The following LDLRAD3 variants were observed in gnomAD, a reference collection of about 807,000 sequenced individuals.
The protein encoded by LDLRAD3 is low density lipoprotein receptor class A domain containing 3.
LDLRAD3 carries 20 observed loss-of-function variants against 29.4 expected under a neutral mutation model. The observed-to-expected ratio is 0.68, with a 90% confidence interval of 0.48 to 0.99. The LOEUF (loss-of-function observed/expected upper bound fraction) is 0.99. Among genes scored for constraint, LDLRAD3 ranks in the 50% least tolerant of loss-of-function variants. LDLRAD3 has a pLI of 0.00. For missense variants in LDLRAD3, 420 were observed against 454.3 expected (o/e 0.92, Z 0.69); for synonymous variants, 157 against 192.7 (o/e 0.81, Z 1.53).
In LDLRAD3 at chr11:36,089,053, T is replaced by C. The variant is rs116201642; in HGVS notation, c.319+7275T>C. ...GCTCACAGCTATATTTCCAGCGCCA[T>C]GTATATTATCAGGCTCAGCCTTAGC... is the stretch of plus-strand genomic sequence containing the variant. On this transcript the variant is annotated intron_variant, in intron 3 of 5. Transcript: ENST00000315571. 4.1e-3 allele frequency among the ~76,000 whole-genome samples: 632 copies of C among 152,322 alleles called. 1 individual carries two copies. The highest frequency in any genetic ancestry group is 0.014 in the African/African-American group (590 of 41,570).
At chr11:36,154,641 C>T (rs560859512) in intron 4 of LDLRAD3, among the ~76,000 whole-genome samples, 3 of 152,324 alleles carry the variant, frequency 2.0e-5, no homozygotes, top group African/African-American at 7.2e-5. Flanking sequence ...CCTGTAGCCT[C>T]CCATGCAAAC....
At chr11:36,039,772 ATGTTTCAGTCTCTTC>A (rs952650512) in intron 2 of LDLRAD3, among the ~76,000 whole-genome samples, 36 of 152,282 alleles carry the variant, frequency 2.4e-4, no homozygotes, top group East Asian at 2.3e-3. Flanking sequence ...CCATCCCTCT[ATGTTTCAGTCTCTTC>A]TGTTTCAGTC....
At chr11:35,967,145 G>T in intron 1 of LDLRAD3, 1 of 191,418 alleles carries the variant, frequency 5.2e-6, no homozygotes, top group South Asian at 1.1e-4. Flanking sequence ...TCCCTGCAGG[G>T]ACTGGGCCTG....
intron 4 of LDLRAD3, among the ~76,000 whole-genome samples, chr11:36,128,318 G>T (rs946143335): frequency 3.3e-5 from 5 of 151,890 alleles, no homozygotes; most frequent in African/African-American, 1.2e-4. Flanking sequence ...GGAGAATATT[G>T]GTCCATCTCA....
At position 36,138,271 on chromosome 11, in the gene LDLRAD3, C is replaced by G. The variant is rs543320068; in HGVS notation, c.454+39810C>G. Among the ~76,000 whole-genome samples the G allele has an allele frequency of 1.1e-4, 17 of 152,368 alleles. No homozygotes were observed. The South Asian group carries it at 3.5e-3, about 32-fold the overall frequency. ...AAGTAAATGGGATTGCTAATAGTAC[C>G]TACTTCCTTGGGTGGTTGGGAGGAT... On this transcript the variant is annotated intron_variant, in intron 4 of 5. Transcript: ENST00000315571.
chr11:36,167,456 A>G (rs953088476), intron 4 of LDLRAD3, among the ~76,000 whole-genome samples: 1 of 151,982 alleles, frequency 6.6e-6, no homozygotes, highest in Non-Finnish European at 1.5e-5. Flanking sequence ...CCTAAATCCA[A>G]TATGTCTCAT....
chr11:36,035,371 T>C (rs1166348377), intron 1 of LDLRAD3, among the ~76,000 whole-genome samples: 1 of 152,064 alleles, frequency 6.6e-6, no homozygotes, highest in Non-Finnish European at 1.5e-5. Context: ...TGGTGTTCTC[T>C]CTTTGCTTTC....
At chr11:36,173,966 C>T (rs979416171) in intron 4 of LDLRAD3, among the ~76,000 whole-genome samples, 1 of 152,306 alleles carries the variant, frequency 6.6e-6, no homozygotes, top group Admixed American at 6.5e-5. Flanking sequence ...TCAAACTACA[C>T]TACAAGGCTA....
At chr11:36,103,999 G>T (rs1238477308) in intron 4 of LDLRAD3, among the ~76,000 whole-genome samples, 2 of 152,166 alleles carry the variant, frequency 1.3e-5, no homozygotes, top group Non-Finnish European at 2.9e-5. Context: ...GGTAAGACAT[G>T]AGTGTATGGA....
At chr11:36,193,074 A>G (rs1854979791) in intron 4 of LDLRAD3, among the ~76,000 whole-genome samples, 2 of 152,158 alleles carry the variant, frequency 1.3e-5, no homozygotes, top group African/African-American at 2.4e-5. Context: ...TACATTAGCT[A>G]TTAACTCAGT....
chr11:35,992,850 G>C (rs1257875792), intron 1 of LDLRAD3, among the ~76,000 whole-genome samples: 1 of 152,164 alleles, frequency 6.6e-6, no homozygotes. Flanking sequence ...ATTGTATAGT[G>C]TGTGAGTTTT....
chr11:36,044,524 G>A (rs373909310), intron 2 of LDLRAD3, among the ~76,000 whole-genome samples: 2 of 152,110 alleles, frequency 1.3e-5, no homozygotes. Flanking sequence ...TCCATCCTCC[G>A]CTTCCCCTTC....
intron 1 of LDLRAD3, among the ~76,000 whole-genome samples, chr11:35,948,529 T>A (rs1030463856): frequency 1.3e-5 from 2 of 152,116 alleles, no homozygotes; most frequent in African/African-American, 4.8e-5. Context: ...TGAAAAAATC[T>A]ACTCACTTGG....
chr11:35,960,377 A>G lies in LDLRAD3; in HGVS notation c.46+16233A>G, dbSNP rs183452917. On this transcript the variant is annotated intron_variant, in intron 1 of 5. Coordinates refer to ENST00000315571, the MANE Select transcript of LDLRAD3 (RefSeq NM_174902.4). ...TGCATAATAGCAGGACTTTCTCTAT[A>G]ATAATATCCTTGAAGTAGAATTGCT... is the stretch of plus-strand genomic sequence containing the variant. 2.4e-3 allele frequency among the ~76,000 whole-genome samples: 361 copies of G among 152,304 alleles called. 3 individuals are homozygous for G. The highest frequency in any genetic ancestry group is 1.7e-3 in the Non-Finnish European group (113 of 68,028).
intron 4 of LDLRAD3, among the ~76,000 whole-genome samples, chr11:36,192,865 A>C (rs1317168112): frequency 6.6e-6 from 1 of 152,172 alleles, no homozygotes; most frequent in Non-Finnish European, 1.5e-5. Flanking sequence ...TCGTGAGTAT[A>C]GCAATTCAGA....
intron 2 of LDLRAD3, among the ~76,000 whole-genome samples, chr11:36,073,751 G>T (rs1339820803): frequency 6.6e-6 from 1 of 152,256 alleles, no homozygotes; most frequent in Non-Finnish European, 1.5e-5. Flanking sequence ...TGAAAAGGGT[G>T]CAAGGGCAGG....
intron 1 of LDLRAD3, among the ~76,000 whole-genome samples, chr11:35,953,372 G>GC (rs1165455301): frequency 1.3e-5 from 2 of 152,342 alleles, no homozygotes; most frequent in East Asian, 3.8e-4. Flanking sequence ...TACCCAAGGT[G>GC]CCAGTGTTCC....
At position 35,944,152 on chromosome 11, in the gene LDLRAD3, G is replaced by C. The variant is rs1327717192; in HGVS notation, c.46+8G>C. On this transcript the variant is annotated splice_region_variant and intron_variant, in intron 1 of 5. Coordinates refer to ENST00000315571, the MANE Select transcript of LDLRAD3 (RefSeq NM_174902.4). This position sits in a 1 kb window ranked among gnomAD's most constrained non-coding sequence, Gnocchi z 4.9. ...TGCTGAGCAGCGCCGCGGGTGAGTCGGGGGGCGGCCGGCGAACTTCCCGCG... is the reference window on the plus strand; with the variant it reads ...TGCTGAGCAGCGCCGCGGGTGAGTCCGGGGGCGGCCGGCGAACTTCCCGCG... 4.9e-6 allele frequency: 5 copies of C among 1,030,504 alleles called. No homozygotes were observed. The highest frequency in any genetic ancestry group is 4.4e-5 in the South Asian group (1 of 22,610). The allele number at this position is 1,030,504 out of a possible 1,614,324, so 63.8% of individuals were successfully genotyped here.
chr11:36,104,540 G>A (rs1030659537), intron 4 of LDLRAD3, among the ~76,000 whole-genome samples: 8 of 152,006 alleles, frequency 5.3e-5, no homozygotes, highest in Non-Finnish European at 4.4e-5. Flanking sequence ...CACAGTGATC[G>A]GTGAAACCTT....
Sources: gnomAD v4.1 joint callset for allele counts (sites outside exome capture counted in the v4.1 genomes callset) on GRCh38, gnomAD v4.1.1 for gene constraint, Gnocchi (gnomAD v3.1) non-coding constraint, MANE v1.5 for transcripts, NCBI Gene and HGNC (gene_info 2026-07-23, HGNC 2026-07-21) for gene names.